The following CLASP1 variants were observed in gnomAD, a reference collection of about 807,000 sequenced individuals.
The protein encoded by CLASP1 is cytoplasmic linker associated protein 1, also known as CLIP-associating protein 1.
A neutral mutation model predicts 192.3 loss-of-function variants in CLASP1; 38 were observed. The ratio of observed to expected loss-of-function variants is 0.20; its 90% CI spans 0.15 to 0.26. The LOEUF is 0.26. Ranked by LOEUF, CLASP1 falls within the 10% of genes least tolerant of loss-of-function variation. The pLI is 1.00. For synonymous variants in CLASP1, 691 were observed against 712.8 expected (o/e 0.97, Z 0.49); for missense variants, 1,433 against 1,932.5 (o/e 0.74, Z 4.85).
Position 121,365,293 on chromosome 2 carries a change from A to G in CLASP1, c.3887-9T>C. 6.2e-7 allele frequency: 1 copy of G among 1,608,926 alleles called. No homozygotes were observed. The highest frequency in any genetic ancestry group is 8.5e-7 in the Non-Finnish European group (1 of 1,177,558). ...AGAATGGTCGATGGGCACTGGTGAA[A>G]CACACCAGACATACGTCACCTCGTG... On this transcript the variant is annotated splice_polypyrimidine_tract_variant and intron_variant, in intron 35 of 39. Transcript: ENST00000263710.
At chr2:121,362,923 AG>A (rs1573806621) in intron 37 of CLASP1, among the ~76,000 whole-genome samples, 1 of 152,220 alleles carries the variant, frequency 6.6e-6, no homozygotes, top group African/African-American at 2.4e-5. Context: ...AACACATCCC[AG>A]GGGCAGGGCA....
At chr2:121,589,104 C>G (rs764083781) in intron 2 of CLASP1, among the ~76,000 whole-genome samples, 3 of 152,196 alleles carry the variant, frequency 2.0e-5, no homozygotes, top group African/African-American at 4.8e-5. Flanking sequence ...ACGGGGCAGA[C>G]AGAAACACAG....
intron 2 of CLASP1, among the ~76,000 whole-genome samples, chr2:121,585,470 C>A (rs72971297): frequency 0.039 from 5,870 of 152,274 alleles, 161 homozygotes; most frequent in East Asian, 0.14. Flanking sequence ...AGTATACTTG[C>A]TCTCCTTTGC....
chr2:121,365,533 A>G lies in CLASP1; in HGVS notation c.3887-249T>C, dbSNP rs759705529. 6.6e-5 allele frequency among the ~76,000 whole-genome samples: 10 copies of G among 152,168 alleles called. 1 individual carries two copies. Among genetic ancestry groups the G allele is most frequent in the Admixed American group, 6.5e-5 (1 of 15,282 alleles). On this transcript the variant is annotated intron_variant, in intron 35 of 39. Transcript: ENST00000263710. ...ACCAGCTGTCCAGTACCAACAGTCAATGTCTTCACCCTTCCTTGCTATCTT... is the reference window on the plus strand; with the variant it reads ...ACCAGCTGTCCAGTACCAACAGTCAGTGTCTTCACCCTTCCTTGCTATCTT...
chr2:121,590,510 T>C (rs767922595), intron 2 of CLASP1, among the ~76,000 whole-genome samples: 7 of 152,308 alleles, frequency 4.6e-5, no homozygotes, highest in African/African-American at 1.2e-4. Context: ...GCTGACAAAA[T>C]AGCATGATCG....
intron 2 of CLASP1, among the ~76,000 whole-genome samples, chr2:121,583,714 T>G (rs1229361540): frequency 6.6e-6 from 1 of 152,170 alleles, no homozygotes; most frequent in Non-Finnish European, 1.5e-5. Context: ...TTGTATTCTC[T>G]TTCGTTCTTC....
At chr2:121,447,141 T>A (rs915799561) in intron 19 of CLASP1, among the ~76,000 whole-genome samples, 196 bp downstream of exon 19, 1 of 152,152 alleles carries the variant, frequency 6.6e-6, no homozygotes. Context: ...CTAAAACGGA[T>A]GATGCATCGA....
intron 2 of CLASP1, among the ~76,000 whole-genome samples, chr2:121,580,320 A>G (rs950967800): frequency 1.3e-5 from 2 of 152,224 alleles, no homozygotes; most frequent in Admixed American, 6.5e-5. Context: ...CTTTAATCAT[A>G]TCCTGACAAA....
At chr2:121,617,996 C>A (rs1183324702) in intron 1 of CLASP1, among the ~76,000 whole-genome samples, 1 of 152,194 alleles carries the variant, frequency 6.6e-6, no homozygotes, top group Admixed American at 6.5e-5. Flanking sequence ...ATTGGCCCGG[C>A]TATTCTTTTT....
intron 19 of CLASP1, among the ~76,000 whole-genome samples, chr2:121,434,320 G>A (rs72829002): frequency 3.0e-4 from 45 of 152,180 alleles, no homozygotes; most frequent in East Asian, 5.8e-4. Context: ...GGAATGGTGC[G>A]ATCACAGCTC....
chr2:121,340,764 CT>C, exon 40 of CLASP1: 5 of 886,000 alleles, frequency 5.6e-6, no homozygotes, highest in Non-Finnish European at 9.1e-6. Flanking sequence ...TGTGGGCCTC[CT>C]TGTACTGACT....
At chr2:121,637,473 G>GA (rs2071106758) in intron 1 of CLASP1, among the ~76,000 whole-genome samples, 1 of 152,050 alleles carries the variant, frequency 6.6e-6, no homozygotes, top group Non-Finnish European at 1.5e-5. Context: ...GTGGATCAAG[G>GA]ACCTCAAAGT....
At chr2:121,348,444 C>T in intron 38 of CLASP1, 68 bp downstream of exon 39, 3 of 1,406,204 alleles carry the variant, frequency 2.1e-6, no homozygotes, top group Non-Finnish European at 2.9e-6. Context: ...GCACAAAGCC[C>T]TTACATTACT....
chr2:121,405,774 T>G (rs890995527), intron 25 of CLASP1, among the ~76,000 whole-genome samples: 1 of 152,236 alleles, frequency 6.6e-6, no homozygotes, highest in African/African-American at 2.4e-5. Context: ...TCTTCTATTT[T>G]TGACAGGTCA....
chr2:121,467,515 A>G (rs1030007003), intron 9 of CLASP1, among the ~76,000 whole-genome samples: 6 of 152,104 alleles, frequency 3.9e-5, no homozygotes, highest in African/African-American at 1.4e-4. Context: ...GACTGGTGTG[A>G]GATGGTATCT....
chr2:121,599,810 C>A (rs1277181698), intron 2 of CLASP1, among the ~76,000 whole-genome samples: 1 of 150,640 alleles, frequency 6.6e-6, no homozygotes, highest in Non-Finnish European at 1.5e-5. Flanking sequence ...ATCCCAGCTA[C>A]TCAGGAGGCT....
chr2:121,433,493 G>A (rs941650363), intron 19 of CLASP1, among the ~76,000 whole-genome samples: 3 of 152,146 alleles, frequency 2.0e-5, no homozygotes, highest in African/African-American at 4.8e-5. Flanking sequence ...GGCGGCTCAC[G>A]CCTGTAACCC....
chr2:121,500,006 G>C (rs1393018525), intron 8 of CLASP1, among the ~76,000 whole-genome samples: 1 of 152,054 alleles, frequency 6.6e-6, no homozygotes, highest in African/African-American at 2.4e-5. Context: ...GCAAGAAAAA[G>C]AAATTAAAAG....
At chr2:121,372,078 G>A (rs1001153282) in intron 34 of CLASP1, among the ~76,000 whole-genome samples, 12 of 152,174 alleles carry the variant, frequency 7.9e-5, no homozygotes, top group African/African-American at 2.2e-4. Context: ...GCCCATTCTC[G>A]AAGGAAAGGT....
Sources: gnomAD v4.1 joint callset for allele counts (sites outside exome capture counted in the v4.1 genomes callset) on GRCh38, gnomAD v4.1.1 for gene constraint, MANE v1.5 for transcripts, NCBI Gene and HGNC (gene_info 2026-07-23, HGNC 2026-07-21) for gene names.